CCDC171: variants seen among roughly 807,000 people sequenced by gnomAD.
CCDC171 encodes the protein coiled-coil domain containing 171.
Under a neutral mutation model 168.2 loss-of-function variants are expected in CCDC171, and 177 were observed. The observed-to-expected ratio is 1.05, with a 90% CI of 0.93 to 1.19. The LOEUF (loss-of-function observed/expected upper bound fraction) is 1.19, where lower values mean the gene tolerates loss of function less well. Ranked by LOEUF, CCDC171 falls within the 50% of genes most tolerant of loss-of-function variation. The pLI is 0.00. For missense variants in CCDC171, 1,991 were observed against 1,539.0 expected (o/e 1.29, Z -4.91); for synonymous variants, 687 against 540.8 (o/e 1.27, Z -3.75).
intron 24 of CCDC171, among the ~76,000 whole-genome samples, chr9:15,899,166 A>T (rs1250377920): frequency 6.6e-6 from 1 of 152,150 alleles, no homozygotes; most frequent in African/African-American, 2.4e-5. Flanking sequence ...TTATTTGTCA[A>T]TATTGATTAA....
chr9:15,784,139 A>T (rs926217864), intron 20 of CCDC171, among the ~76,000 whole-genome samples: 6 of 152,214 alleles, frequency 3.9e-5, no homozygotes, highest in African/African-American at 1.4e-4. Context: ...TACGCTGAAC[A>T]CAAACTTCTA....
intron 25 of CCDC171, among the ~76,000 whole-genome samples, chr9:15,952,899 C>T (rs1354587118): frequency 1.3e-5 from 2 of 152,052 alleles, no homozygotes; most frequent in Non-Finnish European, 2.9e-5. Context: ...TTTCCACCTC[C>T]TTGGTTAATT....
chr9:15,754,449 G>A (rs1037381815), intron 18 of CCDC171, among the ~76,000 whole-genome samples: 2 of 152,036 alleles, frequency 1.3e-5, no homozygotes, highest in Non-Finnish European at 2.9e-5. Context: ...CAGTTGGTGG[G>A]TGGTAAAAAA....
chr9:15,914,880 C>T (rs1451278697), intron 24 of CCDC171, among the ~76,000 whole-genome samples: 2 of 152,152 alleles, frequency 1.3e-5, no homozygotes, highest in African/African-American at 4.8e-5. Flanking sequence ...TCCCTCATGG[C>T]TTCCCTTGGT....
intron 9 of CCDC171, among the ~76,000 whole-genome samples, chr9:15,677,896 ATATATATATATATATATATATATATATAT>A (rs1316263851): frequency 3.4e-4 from 6 of 17,690 alleles, no homozygotes; most frequent in East Asian, 7.1e-3. Context: ...ATATATATAT[ATATATATATATATATATATATATATATAT>A]AAGAGATGTG....
At chr9:16,091,618 A>G in the CCDC171 span, among the ~76,000 whole-genome samples, 2 of 152,192 alleles carry the variant, frequency 1.3e-5, no homozygotes, top group Non-Finnish European at 2.9e-5. Flanking sequence ...CCTTCTGCAC[A>G]TTCTAGGAAA....
At chr9:15,702,984 A>T (rs1453702957) in intron 11 of CCDC171, among the ~76,000 whole-genome samples, 5 of 150,186 alleles carry the variant, frequency 3.3e-5, no homozygotes, top group Non-Finnish European at 5.9e-5. Context: ...GCTCACTGCA[A>T]CCTCCCTCTC....
chr9:15,811,512 G>A (rs181212247), intron 21 of CCDC171, among the ~76,000 whole-genome samples: 2 of 152,252 alleles, frequency 1.3e-5, no homozygotes, highest in African/African-American at 4.8e-5. Context: ...AGACTGTTGT[G>A]TTAGGTATCA....
intron 21 of CCDC171, among the ~76,000 whole-genome samples, chr9:15,821,795 G>A (rs1207782913): frequency 8.6e-6 from 1 of 115,924 alleles, no homozygotes; most frequent in Admixed American, 8.2e-5. Context: ...TCCCCATCAA[G>A]CTACCAATGA....
chr9:15,697,165 TTTCCTCTGC>T (rs1243475090), intron 11 of CCDC171, among the ~76,000 whole-genome samples: 4 of 152,210 alleles, frequency 2.6e-5, no homozygotes, highest in South Asian at 2.1e-4. Flanking sequence ...GAAGTGTTTA[TTTCCTCTGC>T]TTCCTCTGCT....
chr9:15,976,139 T>A (rs1831613228), downstream of CCDC171, among the ~76,000 whole-genome samples: 1 of 152,166 alleles, frequency 6.6e-6, no homozygotes, highest in Non-Finnish European at 1.5e-5. Context: ...TGTAAGAGAA[T>A]ACATTTGTGC....
intron 21 of CCDC171, among the ~76,000 whole-genome samples, chr9:15,843,898 C>T (rs954412736): frequency 2.0e-5 from 3 of 152,094 alleles, no homozygotes; most frequent in Non-Finnish European, 2.9e-5. Flanking sequence ...CATTCTTCTC[C>T]CCACTAAATG....
chr9:15,782,641 AT>A (rs1427469532), intron 20 of CCDC171, among the ~76,000 whole-genome samples: 3 of 152,190 alleles, frequency 2.0e-5, no homozygotes, highest in African/African-American at 7.2e-5. Context: ...AGGAGTGGTA[AT>A]TTAAAACAAC....
chr9:15,670,729 T>C (rs2049051405), intron 9 of CCDC171, among the ~76,000 whole-genome samples: 1 of 152,224 alleles, frequency 6.6e-6, no homozygotes, highest in South Asian at 2.1e-4. Context: ...TCTTTTTTTA[T>C]AGCACATTTT....
chr9:15,562,320 A>C (rs2039370152), intron 1 of CCDC171, among the ~76,000 whole-genome samples: 1 of 152,072 alleles, frequency 6.6e-6, no homozygotes, highest in South Asian at 2.1e-4. Context: ...TAAGGTCAGC[A>C]GGAGATTGTC....
intron 6 of CCDC171, among the ~76,000 whole-genome samples, chr9:15,596,439 A>G (rs1403734356): frequency 1.3e-5 from 2 of 152,174 alleles, no homozygotes; most frequent in Non-Finnish European, 2.9e-5. Context: ...AGGTTTGTCA[A>G]AGATCAGATG....
chr9:15,754,700 AT>A (rs2055987584), intron 18 of CCDC171, among the ~76,000 whole-genome samples: 1 of 152,110 alleles, frequency 6.6e-6, no homozygotes, highest in Non-Finnish European at 1.5e-5. Context: ...AGTTATTTAA[AT>A]CCTGTGTGCA....
chr9:15,858,601 T>G (rs1000853257), intron 23 of CCDC171, among the ~76,000 whole-genome samples: 1 of 152,088 alleles, frequency 6.6e-6, no homozygotes, highest in African/African-American at 2.4e-5. Flanking sequence ...GCCAATATTT[T>G]ATACTTTTTA....
the CCDC171 span, among the ~76,000 whole-genome samples, chr9:16,076,762 T>G: frequency 1.6e-4 from 25 of 152,202 alleles, no homozygotes; most frequent in Non-Finnish European, 2.8e-4. Flanking sequence ...CCCTGACAAG[T>G]CCACTCTGGT....
Sources: gnomAD v4.1 joint callset for allele counts (sites outside exome capture counted in the v4.1 genomes callset) on GRCh38, gnomAD v4.1.1 for gene constraint, MANE v1.5 for transcripts, NCBI Gene and HGNC (gene_info 2026-07-23, HGNC 2026-07-21) for gene names.